The following ME1 variants were observed in gnomAD, a reference collection of about 807,000 sequenced individuals.
The protein encoded by ME1 is NADP-dependent malic enzyme.
Under a neutral mutation model 66.4 loss-of-function variants are expected in ME1, and 74 were observed. That is an observed-to-expected ratio of 1.11 (90% CI 0.92 to 1.35). ME1 has a LOEUF of 1.35. Ranked by LOEUF, ME1 falls within the 40% of genes most tolerant of loss-of-function variation. The pLI, the probability that ME1 is intolerant of heterozygous loss-of-function variation, is 0.00. For missense variants in ME1, 750 were observed against 694.1 expected, an observed-to-expected ratio of 1.08 and a Z score of -0.90; for synonymous variants, 251 against 235.6, an observed-to-expected ratio of 1.07 and a Z score of -0.60.
intron 6 of ME1, among the ~76,000 whole-genome samples, chr6:83,314,624 G>A (rs943987707): frequency 2.6e-5 from 4 of 152,046 alleles, no homozygotes; most frequent in Non-Finnish European, 5.9e-5. Flanking sequence ...TGATTTATAT[G>A]AAACATAAAT....
intron 8 of ME1, among the ~76,000 whole-genome samples, chr6:83,238,391 C>A (rs1327044459): frequency 6.6e-6 from 1 of 152,134 alleles, no homozygotes; most frequent in Non-Finnish European, 1.5e-5. Flanking sequence ...TTTCCAATAT[C>A]TTTCCAGGGA....
In ME1 at chr6:83,359,071, A is replaced by C. The variant is rs1240454300; in HGVS notation, c.363-6932T>G. On this transcript the variant is annotated intron_variant, in intron 3 of 13. Transcript: ENST00000369705. ...GGGCAGCTGGGCAGAGGGGCACATC[A>C]CTTCCCAGATGGGGTGGCTGGGCAG... 2.0e-5 allele frequency among the ~76,000 whole-genome samples: 3 copies of C among 151,474 alleles called. No individual in the cohort carries two copies. In the South Asian group the frequency reaches 6.3e-4, roughly 32 times the overall value.
intron 5 of ME1, among the ~76,000 whole-genome samples, chr6:83,320,338 GTTGTAATTAGTAATGGCACCC>G (rs1768127373): frequency 6.6e-6 from 1 of 152,224 alleles, no homozygotes; most frequent in Admixed American, 6.5e-5. Context: ...TTGTTGTCCT[GTTGTAATTAGTAATGGCACCC>G]TCTGTCGTTG....
chr6:83,243,544 AATTAT>A (rs1790550276), intron 7 of ME1, among the ~76,000 whole-genome samples: 3 of 69,874 alleles, frequency 4.3e-5, no homozygotes, highest in Non-Finnish European at 8.1e-5. Context: ...AATCTATTAT[AATTAT>A]ATTATATCGA....
intron 1 of ME1, among the ~76,000 whole-genome samples, chr6:83,425,498 G>A (rs118036992): frequency 3.4e-4 from 52 of 152,138 alleles, no homozygotes; most frequent in African/African-American, 4.6e-4. Flanking sequence ...TTCACATGGC[G>A]GCAGGAAAAA....
At chr6:83,394,513 G>T (rs1769691747) in intron 3 of ME1, among the ~76,000 whole-genome samples, 1 of 152,058 alleles carries the variant, frequency 6.6e-6, no homozygotes, top group African/African-American at 2.4e-5. Context: ...TTATACAAAG[G>T]GATGATGCGG....
intron 6 of ME1, among the ~76,000 whole-genome samples, chr6:83,306,091 T>C (rs964555052): frequency 4.6e-5 from 7 of 152,142 alleles, no homozygotes; most frequent in African/African-American, 1.7e-4. Flanking sequence ...TTGATAGTGT[T>C]TTTTGTTTTG....
intron 3 of ME1, among the ~76,000 whole-genome samples, chr6:83,356,000 T>C (rs377068695): frequency 4.2e-4 from 64 of 152,176 alleles, no homozygotes; most frequent in Non-Finnish European, 6.8e-4. Context: ...ATATATATAG[T>C]TCAAACTTTT....
chr6:83,401,892 T>C (rs1401857169), intron 2 of ME1, among the ~76,000 whole-genome samples: 2 of 152,190 alleles, frequency 1.3e-5, no homozygotes, highest in Non-Finnish European at 2.9e-5. Flanking sequence ...ACAGCTTCCA[T>C]TATGGGAAGG....
intron 6 of ME1, among the ~76,000 whole-genome samples, chr6:83,276,046 A>C (rs1203552944): frequency 6.6e-6 from 1 of 151,708 alleles, no homozygotes; most frequent in Non-Finnish European, 1.5e-5. Context: ...CTGGAATTAT[A>C]GGTGTCAGCC....
chr6:83,393,415 C>T (rs1264695155), intron 3 of ME1: 6 of 656,158 alleles, frequency 9.1e-6, no homozygotes, highest in African/African-American at 8.9e-5. Context: ...AGTAAGACCC[C>T]CAGACCACCA....
At chr6:83,243,104 T>TG (rs1239203188) in intron 7 of ME1, among the ~76,000 whole-genome samples, 1 of 148,252 alleles carries the variant, frequency 6.7e-6, no homozygotes, top group Non-Finnish European at 1.5e-5. Context: ...CCCCCAAAAA[T>TG]TTTTTTTTTA....
chr6:83,320,150 C>T (rs1239838045), intron 5 of ME1, among the ~76,000 whole-genome samples: 3 of 152,134 alleles, frequency 2.0e-5, no homozygotes, highest in African/African-American at 2.4e-5. Flanking sequence ...GCATCCTAGC[C>T]TTCCTAGCCA....
chr6:83,346,971 C>T (rs189308794), intron 4 of ME1, among the ~76,000 whole-genome samples: 11 of 151,362 alleles, frequency 7.3e-5, no homozygotes, highest in East Asian at 3.9e-4. Flanking sequence ...CCCTTTTTTC[C>T]GAGACGGAGT....
chr6:83,302,734 C>G (rs1767750155), intron 6 of ME1, among the ~76,000 whole-genome samples: 1 of 152,046 alleles, frequency 6.6e-6, no homozygotes, highest in Admixed American at 6.6e-5. Context: ...GCAGTTTATA[C>G]AGAGAAGAAG....
chr6:83,308,044 A>C (rs1767858292), intron 6 of ME1, among the ~76,000 whole-genome samples: 1 of 152,118 alleles, frequency 6.6e-6, no homozygotes, highest in Admixed American at 6.6e-5. Flanking sequence ...TACTCAGCAA[A>C]AAAAGCATAA....
intron 5 of ME1, among the ~76,000 whole-genome samples, chr6:83,323,318 T>C (rs1768217155): frequency 6.6e-6 from 1 of 152,086 alleles, no homozygotes; most frequent in Non-Finnish European, 1.5e-5. Context: ...ACCTTAAATG[T>C]AAATGGGCTA....
chr6:83,238,582 C>G (rs1429003705), intron 8 of ME1, among the ~76,000 whole-genome samples: 2 of 151,906 alleles, frequency 1.3e-5, no homozygotes, highest in Non-Finnish European at 2.9e-5. Flanking sequence ...GTCATTTAGC[C>G]TTGATTTTTA....
intron 3 of ME1, among the ~76,000 whole-genome samples, chr6:83,357,902 C>CCTCCCTCTCTCTCTCTCTCTCTCT (rs1768922227): frequency 3.2e-5 from 1 of 31,562 alleles, no homozygotes; most frequent in African/African-American, 1.4e-4. Context: ...AATAAACTCC[C>CCTCCCTCTCTCTCTCTCTCTCTCT]CTCTCTCTCT....
Sources: gnomAD v4.1 joint callset for allele counts (sites outside exome capture counted in the v4.1 genomes callset) on GRCh38, gnomAD v4.1.1 for gene constraint, MANE v1.5 for transcripts, NCBI Gene and HGNC (gene_info 2026-07-23, HGNC 2026-07-21) for gene names.